TNFRSF1B: variants seen among roughly 807,000 people sequenced by gnomAD.
The protein encoded by TNFRSF1B is tumor necrosis factor receptor superfamily member 1B.
A neutral mutation model predicts 44.6 loss-of-function variants in TNFRSF1B; 19 were observed. The ratio of observed to expected loss-of-function variants is 0.43; its 90% CI spans 0.30 to 0.62. The LOEUF (loss-of-function observed/expected upper bound fraction) is 0.62, where lower values mean the gene tolerates loss of function less well. Among genes scored for constraint, TNFRSF1B ranks in the 20% least tolerant of loss-of-function variants. The probability of loss-of-function intolerance (pLI) is 0.16; values close to 1 mark genes in which losing one functional copy is unlikely to be tolerated. For missense variants in TNFRSF1B, 541 were observed against 619.9 expected, an observed-to-expected ratio of 0.87 and a Z score of 1.35; for synonymous variants, 252 against 261.1, an observed-to-expected ratio of 0.97 and a Z score of 0.34.
At chr1:12,167,675 G>T (rs1638424814) in intron 1 of TNFRSF1B, 1 of 222,086 alleles carries the variant, frequency 4.5e-6, no homozygotes, top group South Asian at 4.2e-5. Context: ...AAATACCAGG[G>T]TCCTGTGTCT....
At chr1:12,198,144 A>G (rs1293343983) in intron 8 of TNFRSF1B, among the ~76,000 whole-genome samples, 1 of 150,836 alleles carries the variant, frequency 6.6e-6, no homozygotes, top group African/African-American at 2.4e-5. Context: ...AAAAAAAACC[A>G]ATATGTGAGC....
intron 1 of TNFRSF1B, among the ~76,000 whole-genome samples, chr1:12,182,714 C>T (rs1190856446): frequency 6.6e-6 from 1 of 152,242 alleles, no homozygotes; most frequent in Non-Finnish European, 1.5e-5. Context: ...CAGTGCCTGC[C>T]ATCTGGCCTG....
intron 5 of TNFRSF1B, 116 bp from the exon 6 acceptor site, chr1:12,192,747 A>T: frequency 1.0e-6 from 1 of 981,594 alleles, no homozygotes; most frequent in Non-Finnish European, 1.5e-6. Context: ...GGTGGTCCTC[A>T]GAGAGGGCAC....
At chr1:12,203,225 C>T (rs1639429081) in intron 9 of TNFRSF1B, among the ~76,000 whole-genome samples, 1 of 152,208 alleles carries the variant, frequency 6.6e-6, no homozygotes, top group South Asian at 2.1e-4. Context: ...TTAACCCTGC[C>T]AAGCCTTGGT....
chr1:12,197,981 C>T (rs888024674), intron 8 of TNFRSF1B, among the ~76,000 whole-genome samples: 9 of 152,036 alleles, frequency 5.9e-5, no homozygotes, highest in South Asian at 2.1e-4. Context: ...AAAAATTAGC[C>T]GGGCGTGGTG....
chr1:12,209,022 A>C lies in TNFRSF1B; in HGVS notation c.*2002A>C, dbSNP rs1639572781. The C allele has an allele frequency of 6.6e-6, 1 of 152,150 alleles. No homozygotes were observed. The highest frequency in any genetic ancestry group is 1.5e-5 in the Non-Finnish European group (1 of 68,048). The allele number at this position is 152,150 out of a possible 1,614,324, so 9.4% of individuals were successfully genotyped here. The stretch of plus-strand genomic sequence containing the variant: ...TTGGACCCACATGAGGACATGATGG[A>C]GCGCACCTGCCCCCTGGTGGACAGT... On this transcript the variant is annotated 3_prime_UTR_variant, in exon 10 of 10. Transcript: ENST00000376259.
chr1:12,174,337 T>C (rs1352104230), intron 1 of TNFRSF1B, among the ~76,000 whole-genome samples: 1 of 151,814 alleles, frequency 6.6e-6, no homozygotes, highest in African/African-American at 2.4e-5. Context: ...AACCTCTGCC[T>C]CCCAGGTTCA....
In TNFRSF1B at chr1:12,207,414, T is replaced by C; in HGVS notation, c.*394T>C. ...TTCTCCCCCTGGGCTCTGCCCCAGC[T>C]CTGGCTTCCAGAAAACCCCAGCATC... On this transcript the variant is annotated 3_prime_UTR_variant, in exon 10 of 10. Transcript: ENST00000376259. 5.3e-6 allele frequency: 1 copy of C among 189,726 alleles called. No individual in the cohort carries two copies. The highest frequency in any genetic ancestry group is 1.1e-5 in the Non-Finnish European group (1 of 93,260). The allele number at this position is 189,726 out of a possible 1,614,324, so 11.8% of individuals were successfully genotyped here. A position where few individuals can be genotyped will look rare whatever the true frequency, so the allele number is the denominator to read the frequency against.
At chr1:12,167,454 G>A in intron 1 of TNFRSF1B, 1 of 434,892 alleles carries the variant, frequency 2.3e-6, no homozygotes. Context: ...GCGAGCGCAG[G>A]CCGGGGCATT....
At chr1:12,195,615 C>G (rs902524603) in intron 8 of TNFRSF1B, among the ~76,000 whole-genome samples, 2 of 152,110 alleles carry the variant, frequency 1.3e-5, no homozygotes, top group African/African-American at 2.4e-5. Flanking sequence ...TCTCACTGAC[C>G]AGACAGTGTC....
At chr1:12,202,304 G>T in intron 9 of TNFRSF1B, 133 bp downstream of exon 9, 1 of 1,376,878 alleles carries the variant, frequency 7.3e-7, no homozygotes, top group South Asian at 1.5e-5. Context: ...AACTTCCTTC[G>T]GTTCGCTGAA....
At chr1:12,185,188 G>A (rs1259878117) in intron 1 of TNFRSF1B, among the ~76,000 whole-genome samples, 1 of 152,152 alleles carries the variant, frequency 6.6e-6, no homozygotes, top group African/African-American at 2.4e-5. Flanking sequence ...TGGATGCCGG[G>A]TCTCGGCCAT....
rs1262585179 is a variant in TNFRSF1B, at chr1:12,180,923, G to C, written c.79-7873G>C. On this transcript the variant is annotated intron_variant, in intron 1 of 9. Transcript: ENST00000376259. This position sits in a 1 kb window ranked among gnomAD's most constrained non-coding sequence, Gnocchi z 4.3. Reference sequence around the variant, plus strand: ...GTTTTGGGGTCACATTACCCTTCCAGTGTTCCTCTGAGCAAAGTCCCTGTG... The same window carrying C: ...GTTTTGGGGTCACATTACCCTTCCACTGTTCCTCTGAGCAAAGTCCCTGTG... Among the ~76,000 whole-genome samples the C allele has an allele frequency of 6.6e-6, 1 of 152,152 alleles. No homozygotes were observed. Among genetic ancestry groups the C allele is most frequent in the African/African-American group, 2.4e-5 (1 of 41,422 alleles).
At chr1:12,174,302 C>T (rs1177742993) in intron 1 of TNFRSF1B, among the ~76,000 whole-genome samples, 1 of 151,516 alleles carries the variant, frequency 6.6e-6, no homozygotes, top group African/African-American at 2.4e-5. Context: ...GGCTGGAGTG[C>T]AGTGGCGTGA....
At chr1:12,185,425 C>T (rs527444063) in intron 1 of TNFRSF1B, among the ~76,000 whole-genome samples, 1 of 150,496 alleles carries the variant, frequency 6.6e-6, no homozygotes, top group African/African-American at 2.4e-5. Flanking sequence ...GCTTTGGACA[C>T]AGGCAGTGAG....
At chr1:12,190,741 G>C (rs1465778468) in intron 2 of TNFRSF1B, among the ~76,000 whole-genome samples, 2 of 152,048 alleles carry the variant, frequency 1.3e-5, no homozygotes, top group African/African-American at 2.4e-5. Flanking sequence ...CATCTGGAAA[G>C]AGCAGAGAGG....
intron 9 of TNFRSF1B, among the ~76,000 whole-genome samples, chr1:12,203,107 T>C (rs915304049): frequency 1.3e-5 from 2 of 152,240 alleles, no homozygotes; most frequent in African/African-American, 4.8e-5. Flanking sequence ...TCTCTCCCTC[T>C]TACCTGGCAG....
At chr1:12,174,799 C>T (rs1024883801) in intron 1 of TNFRSF1B, among the ~76,000 whole-genome samples, 1 of 152,164 alleles carries the variant, frequency 6.6e-6, no homozygotes, top group Non-Finnish European at 1.5e-5. Context: ...AACCTGACTT[C>T]GAGGGCTGCA....
chr1:12,188,352 G>A (rs1639032729), intron 1 of TNFRSF1B, among the ~76,000 whole-genome samples: 1 of 152,156 alleles, frequency 6.6e-6, no homozygotes, highest in Non-Finnish European at 1.5e-5. Context: ...GGTAGTCAGG[G>A]AGGGCTTCCC....
Sources: allele counts gnomAD v4.1 joint callset (sites outside exome capture counted in the v4.1 genomes callset), GRCh38; gene constraint gnomAD v4.1.1; non-coding constraint Gnocchi (gnomAD v3.1); transcripts MANE v1.5; gene names NCBI Gene and HGNC (gene_info 2026-07-23, HGNC 2026-07-21).